KPNA3: variants seen among roughly 807,000 people sequenced by gnomAD.
The protein encoded by KPNA3 is karyopherin subunit alpha 3.
Under a neutral mutation model 73.8 loss-of-function variants are expected in KPNA3, and 13 were observed. The observed-to-expected ratio is 0.18, with a 90% CI of 0.11 to 0.28. The LOEUF is 0.28. KPNA3 is among the 10% of genes least tolerant of loss of function. The pLI is 1.00. For missense variants in KPNA3, 360 were observed against 618.1 expected (o/e 0.58, Z 4.43); for synonymous variants, 186 against 206.9 (o/e 0.90, Z 0.87).
chr13:49,729,851 T>C (rs1256715682), intron 6 of KPNA3, among the ~76,000 whole-genome samples: 1 of 152,218 alleles, frequency 6.6e-6, no homozygotes, highest in African/African-American at 2.4e-5. Context: ...TAGAGTGCTT[T>C]GTATGTATTA....
intron 1 of KPNA3, among the ~76,000 whole-genome samples, chr13:49,766,957 T>C (rs1954812716): frequency 6.7e-6 from 1 of 149,794 alleles, no homozygotes; most frequent in South Asian, 2.1e-4. Context: ...GGGATTCCTT[T>C]TTTTTTTTTT....
intron 6 of KPNA3, among the ~76,000 whole-genome samples, chr13:49,731,371 G>A (rs1167977890): frequency 6.6e-6 from 1 of 150,952 alleles, no homozygotes; most frequent in Admixed American, 6.7e-5. Context: ...TTACAGGCGT[G>A]AGCCACTGCG....
At chr13:49,717,205 A>C (rs1472711966) in intron 10 of KPNA3, among the ~76,000 whole-genome samples, 1 of 152,182 alleles carries the variant, frequency 6.6e-6, no homozygotes, top group Non-Finnish European at 1.5e-5. Flanking sequence ...CGATTTAAAA[A>C]ATCTACAATG....
chr13:49,770,834 C>CAAAAAAAA (rs759842886), intron 1 of KPNA3, among the ~76,000 whole-genome samples: 1 of 85,460 alleles, frequency 1.2e-5, no homozygotes, highest in Non-Finnish European at 2.4e-5. Flanking sequence ...ACCCACCTAC[C>CAAAAAAAA]AAAAAAAAAA....
Position 49,732,785 on chromosome 13 carries a change from G to T in KPNA3, c.205-9C>A. 1 of 1,434,872 alleles carries T rather than the reference G, an allele frequency of 7.0e-7. No individual in the cohort carries two copies. Among genetic ancestry groups the T allele is most frequent in the Non-Finnish European group, 9.5e-7 (1 of 1,056,670 alleles). 88.9% of individuals were successfully genotyped at this position (1,434,872 alleles called of 1,614,324 possible). ...TCTAGGGTTACATTTTGCTTAAAAAGAAAAAAAAAATAGTTCAGCAGAGTT... is the reference window on the plus strand; with the variant it reads ...TCTAGGGTTACATTTTGCTTAAAAATAAAAAAAAAATAGTTCAGCAGAGTT... On this transcript the variant is annotated splice_polypyrimidine_tract_variant and intron_variant, in intron 3 of 16. Coordinates refer to ENST00000261667, the MANE Select transcript of KPNA3 (RefSeq NM_002267.4).
At chr13:49,750,496 C>T (rs534672196) in intron 1 of KPNA3, among the ~76,000 whole-genome samples, 3 of 151,984 alleles carry the variant, frequency 2.0e-5, no homozygotes, top group Non-Finnish European at 4.4e-5. Context: ...TCATTGTGCT[C>T]ATGTGTGCAC....
At chr13:49,704,440 AAT>A (rs1954184667) in intron 15 of KPNA3, among the ~76,000 whole-genome samples, 1 of 5,860 alleles carries the variant, frequency 1.7e-4, no homozygotes, top group African/African-American at 1.2e-3. Flanking sequence ...ATAAAAAATA[AAT>A]AAATAAATAA....
intron 1 of KPNA3, among the ~76,000 whole-genome samples, chr13:49,748,586 C>A (rs1303260611): frequency 6.6e-6 from 1 of 151,900 alleles, no homozygotes; most frequent in Non-Finnish European, 1.5e-5. Context: ...GAAAAAAAAT[C>A]TCATAAAATC....
intron 6 of KPNA3, among the ~76,000 whole-genome samples, chr13:49,727,176 G>A (rs916336576): frequency 8.6e-5 from 13 of 151,714 alleles, no homozygotes; most frequent in Non-Finnish European, 4.4e-5. Context: ...GTCCGGGCAA[G>A]GTGGTTCACA....
intron 1 of KPNA3, among the ~76,000 whole-genome samples, chr13:49,761,304 T>A (rs917114247): frequency 6.6e-6 from 1 of 152,178 alleles, no homozygotes; most frequent in Non-Finnish European, 1.5e-5. Flanking sequence ...AGCTGGACTG[T>A]ACTGCTGCCA....
chr13:49,729,751 G>A (rs1191614579), intron 6 of KPNA3, among the ~76,000 whole-genome samples: 1 of 152,176 alleles, frequency 6.6e-6, no homozygotes, highest in Non-Finnish European at 1.5e-5. Flanking sequence ...CTGCACTCCA[G>A]CCTGGGCAAC....
intron 1 of KPNA3, among the ~76,000 whole-genome samples, chr13:49,782,577 C>T (rs1954949363): frequency 6.6e-6 from 1 of 152,052 alleles, no homozygotes; most frequent in Admixed American, 6.6e-5. Flanking sequence ...GTCTACATAG[C>T]ATGTAGAAAA....
chr13:49,788,324 A>C (rs1005875145), intron 1 of KPNA3, among the ~76,000 whole-genome samples: 1 of 152,214 alleles, frequency 6.6e-6, no homozygotes, highest in African/African-American at 2.4e-5. Flanking sequence ...TTATTCATTA[A>C]ACAGAACATT....
At chr13:49,732,000 G>A (rs1403398551) in intron 6 of KPNA3, among the ~76,000 whole-genome samples, 4 of 152,156 alleles carry the variant, frequency 2.6e-5, no homozygotes, top group African/African-American at 9.7e-5. Context: ...AACCATCCAT[G>A]TTGACTTAGT....
chr13:49,723,734 G>A (rs1217043275), intron 7 of KPNA3, among the ~76,000 whole-genome samples: 3 of 151,700 alleles, frequency 2.0e-5, no homozygotes, highest in African/African-American at 7.3e-5. Flanking sequence ...GCTGGACATG[G>A]TGGTGTGTGC....
intron 7 of KPNA3, among the ~76,000 whole-genome samples, chr13:49,722,775 T>G (rs1219799170): frequency 6.9e-6 from 1 of 144,782 alleles, no homozygotes; most frequent in Non-Finnish European, 1.5e-5. Context: ...TAAAGGTTGC[T>G]ATCATACCAT....
intron 1 of KPNA3, among the ~76,000 whole-genome samples, chr13:49,765,974 C>T (rs987494670): frequency 6.6e-6 from 1 of 152,062 alleles, no homozygotes; most frequent in Non-Finnish European, 1.5e-5. Context: ...CCTAGAAAAC[C>T]CCACATGTTC....
intron 10 of KPNA3, among the ~76,000 whole-genome samples, chr13:49,715,819 A>G (rs769957159): frequency 3.9e-5 from 6 of 152,200 alleles, no homozygotes; most frequent in Non-Finnish European, 2.9e-5. Context: ...TACCTCCAAT[A>G]ATATGAAAAC....
intron 6 of KPNA3, among the ~76,000 whole-genome samples, chr13:49,726,100 T>G (rs190564770): frequency 6.6e-6 from 1 of 152,346 alleles, no homozygotes; most frequent in Non-Finnish European, 1.5e-5. Flanking sequence ...ATGTCGATTT[T>G]ACCTCTTAAA....
Sources: allele counts gnomAD v4.1 joint callset (sites outside exome capture counted in the v4.1 genomes callset), GRCh38; gene constraint gnomAD v4.1.1; transcripts MANE v1.5; gene names NCBI Gene and HGNC (gene_info 2026-07-23, HGNC 2026-07-21).